Variants in DPH7 observed in about 807,000 individuals in gnomAD.
DPH7 encodes the protein diphthine methyltransferase.
Under a neutral mutation model 41.7 loss-of-function variants are expected in DPH7, and 44 were observed. The ratio of observed to expected loss-of-function variants is 1.05; its 90% CI spans 0.83 to 1.36. The LOEUF is 1.36. Among genes scored for constraint, DPH7 ranks in the 40% most tolerant of loss-of-function variants. DPH7 has a pLI of 0.00. For synonymous variants in DPH7, 275 were observed against 238.0 expected (o/e 1.16, Z -1.43); for missense variants, 629 against 577.5 (o/e 1.09, Z -0.91).
intron 3 of DPH7, chr9:137,575,652 T>C (rs1394796701): frequency 5.9e-6 from 6 of 1,013,870 alleles, no homozygotes; most frequent in East Asian, 1.8e-4. Flanking sequence ...AGTCACTTTG[T>C]TAATGCATGG....
Position 137,556,656 on chromosome 9 carries a change from C to A in DPH7, c.950-1008G>T. On this transcript the variant is annotated intron_variant, in intron 8 of 8. Coordinates refer to ENST00000277540, the MANE Select transcript of DPH7 (RefSeq NM_138778.5). This position sits in a 1 kb window ranked among gnomAD's most constrained non-coding sequence, Gnocchi z 5.2. ...ATGTTCAGAGACAGCCACAGGGGCC[C>A]TCGAGCAGCATGTGTGGGGCGACCC... 1 of 355,888 alleles carries A rather than the reference C, an allele frequency of 2.8e-6. No individual in the cohort carries two copies. The highest frequency in any genetic ancestry group is 5.6e-6 in the Non-Finnish European group (1 of 179,678). The allele number at this position is 355,888 out of a possible 1,614,324, so 22.0% of individuals were successfully genotyped here.
rs943536693 is a variant in DPH7 at position 137,574,953 on chromosome 9, G to A, written c.376-110C>T. On this transcript the variant is annotated intron_variant, in intron 3 of 8. Transcript: ENST00000277540. Reference sequence around the variant, plus strand: ...TCGTTCCCTCATTTACAACCTATGCGAATGAAGTACATCAGTCACTGAGTC... The same window carrying A: ...TCGTTCCCTCATTTACAACCTATGCAAATGAAGTACATCAGTCACTGAGTC... The A allele has an allele frequency of 3.5e-5, 54 of 1,536,404 alleles. No homozygotes were observed. The East Asian group carries it at 9.5e-4, about 27-fold the overall frequency.
intron 5 of DPH7, among the ~76,000 whole-genome samples, chr9:137,572,158 G>A (rs1840549390): frequency 6.6e-6 from 1 of 152,202 alleles, no homozygotes; most frequent in South Asian, 2.1e-4. Flanking sequence ...TGGAAGGACA[G>A]CTGCTCTGCG....
intron 5 of DPH7, among the ~76,000 whole-genome samples, chr9:137,569,265 C>T (rs1839959756): frequency 6.7e-6 from 1 of 150,182 alleles, no homozygotes; most frequent in Non-Finnish European, 1.5e-5. Context: ...TATCCACCCC[C>T]CGACCTCACC....
Position 137,578,893 on chromosome 9 carries a change from A to C in DPH7, c.-116T>G. 4 of 1,128,160 alleles carry C rather than the reference A, an allele frequency of 3.5e-6. No individual in the cohort carries two copies. The highest frequency in any genetic ancestry group is 4.5e-6 in the Non-Finnish European group (4 of 880,606). The allele number at this position is 1,128,160 out of a possible 1,614,324, so 69.9% of individuals were successfully genotyped here. A position where few individuals can be genotyped will look rare whatever the true frequency, so the allele number is the denominator to read the frequency against. On this transcript the variant is annotated 5_prime_UTR_variant, in exon 1 of 9. Transcript: ENST00000277540. ...GCCGGACGAGCGCAGAGCCCCAGGG[A>C]CACCGTCAGCGCGGGCCGCCTCTCT...
At chr9:137,573,277 C>T (rs1395618176) in intron 5 of DPH7, among the ~76,000 whole-genome samples, 6 of 144,642 alleles carry the variant, frequency 4.1e-5, no homozygotes, top group African/African-American at 1.0e-4. Context: ...AGGAGAATGG[C>T]GTGAACCTGG....
intron 8 of DPH7, among the ~76,000 whole-genome samples, chr9:137,558,660 G>A (rs1400161660): frequency 6.6e-6 from 1 of 152,240 alleles, no homozygotes; most frequent in East Asian, 1.9e-4. Context: ...AGAGGCTGGG[G>A]GAGGGATGTT....
chr9:137,560,855 CAAA>C (rs35798746), intron 8 of DPH7, among the ~76,000 whole-genome samples: 1 of 123,422 alleles, frequency 8.1e-6, no homozygotes. Flanking sequence ...GACTCTGTCT[CAAA>C]AAAAAAAAAA....
chr9:137,559,993 T>C (rs1207424015), intron 8 of DPH7, among the ~76,000 whole-genome samples: 2 of 152,192 alleles, frequency 1.3e-5, no homozygotes, highest in Non-Finnish European at 2.9e-5. Flanking sequence ...TGCACTAAAT[T>C]GCACACTTAA....
Position 137,556,248 on chromosome 9 carries a change from T to C in DPH7, c.950-600A>G, listed in dbSNP as rs1359076400. ...ACGGCAACTGGAAAGAGGCCACAAC[T>C]GCCTCCCAGAGCACACAGCAACAGA... On this transcript the variant is annotated intron_variant, in intron 8 of 8. Coordinates refer to ENST00000277540, the MANE Select transcript of DPH7 (RefSeq NM_138778.5). This position sits in a 1 kb window ranked among gnomAD's most constrained non-coding sequence, Gnocchi z 5.2. 2.0e-5 allele frequency among the ~76,000 whole-genome samples: 3 copies of C among 152,160 alleles called. No individual in the cohort carries two copies. The highest frequency in any genetic ancestry group is 4.4e-5 in the Non-Finnish European group (3 of 68,034).
At position 137,554,487 on chromosome 9, in the gene DPH7, G is replaced by C. The variant is rs773540089; in HGVS notation, c.*752C>G. Among the ~76,000 whole-genome samples, 1 of 152,144 alleles carries C rather than the reference G, an allele frequency of 6.6e-6. No homozygotes were observed. The highest frequency in any genetic ancestry group is 1.5e-5 in the Non-Finnish European group (1 of 68,032). Reference sequence around the variant, plus strand: ...TTTATTATTTAATTTTTAGAGATAAGAGTCTTGCTCTGTTGCCCCTGGCTC... The same window carrying C: ...TTTATTATTTAATTTTTAGAGATAACAGTCTTGCTCTGTTGCCCCTGGCTC... On this transcript the variant is annotated 3_prime_UTR_variant, in exon 9 of 9. Transcript: ENST00000277540.
chr9:137,578,728 T>C lies in DPH7; in HGVS notation c.50A>G (p.Asp17Gly). ...TTGCAGCGGGCACCACTCCACCGAG[T>C]CCGCGGTCAGCTCGGTGTCCACCGT... ...LQTVDTELTA[D>G]SVEWCPLQGC... Residue 17 changes from aspartate to glycine, a missense_variant, in exon 1 of 9, where the codon GAC becomes GGC. Physicochemically the swap from Asp to Gly is moderately conservative, Grantham distance 94. Coordinates refer to ENST00000277540, the MANE Select transcript of DPH7 (RefSeq NM_138778.5). 6.5e-7 allele frequency: 1 copy of C among 1,529,446 alleles called. No homozygotes were observed. The highest frequency in any genetic ancestry group is 1.4e-5 in the African/African-American group (1 of 70,006). The allele number at this position is 1,529,446 out of a possible 1,614,324, so 94.7% of individuals were successfully genotyped here.
chr9:137,570,910 G>T (rs1342561729), intron 5 of DPH7, among the ~76,000 whole-genome samples: 2 of 152,150 alleles, frequency 1.3e-5, no homozygotes, highest in South Asian at 4.1e-4. Context: ...GACAGGCCAT[G>T]CAGTCTCCTT....
Position 137,555,116 on chromosome 9 carries a change from G to T in DPH7, c.*123C>A. On this transcript the variant is annotated 3_prime_UTR_variant, in exon 9 of 9. Transcript: ENST00000277540. Reference sequence around the variant, plus strand: ...CAACAGCTTTTCTGACTACACTGTGGATTCCATCAGTGCACAGGCACCTGC... The same window carrying T: ...CAACAGCTTTTCTGACTACACTGTGTATTCCATCAGTGCACAGGCACCTGC... 8.0e-7 allele frequency: 1 copy of T among 1,243,808 alleles called. No individual in the cohort carries two copies. The highest frequency in any genetic ancestry group is 1.1e-6 in the Non-Finnish European group (1 of 921,944). The allele number at this position is 1,243,808 out of a possible 1,614,324, so 77.0% of individuals were successfully genotyped here.
Position 137,575,442 on chromosome 9 carries a change from C to A in DPH7, c.376-599G>T. ...ACTCCTCCCTTGGGCCCACAGCTTT[C>A]CTGTGGCTGCTCTTTCCCTCCTTTC... On this transcript the variant is annotated intron_variant, in intron 3 of 8. Coordinates refer to ENST00000277540, the MANE Select transcript of DPH7 (RefSeq NM_138778.5). The A allele has an allele frequency of 4.0e-6, 4 of 988,780 alleles. No homozygotes were observed. In the South Asian group the frequency reaches 1.9e-4, roughly 46 times the overall value. 61.3% of individuals were successfully genotyped at this position (988,780 alleles called of 1,614,324 possible).
chr9:137,573,372 A>AC (rs2133157706), intron 5 of DPH7, among the ~76,000 whole-genome samples: 1 of 138,882 alleles, frequency 7.2e-6, no homozygotes, highest in East Asian at 2.2e-4. Flanking sequence ...AAAAAAAAAA[A>AC]AAAAAAAAAA....
chr9:137,556,292 C>T lies in DPH7; in HGVS notation c.950-644G>A, dbSNP rs982465020. Among the ~76,000 whole-genome samples, 27 of 152,196 alleles carry T rather than the reference C, an allele frequency of 1.8e-4. No homozygotes were observed. The highest frequency in any genetic ancestry group is 6.5e-4 in the African/African-American group (27 of 41,458). On this transcript the variant is annotated intron_variant, in intron 8 of 8. Coordinates refer to ENST00000277540, the MANE Select transcript of DPH7 (RefSeq NM_138778.5). This position sits in a 1 kb window ranked among gnomAD's most constrained non-coding sequence, Gnocchi z 5.2. Reference sequence around the variant, plus strand: ...CAACAGAGGGAATGACGAGGCGTGGCCAAACCCGAGGCGATCTGGAGTCCA... The same window carrying T: ...CAACAGAGGGAATGACGAGGCGTGGTCAAACCCGAGGCGATCTGGAGTCCA...
In DPH7 at chr9:137,554,977, GAGA is replaced by G. The variant is rs2132730200; in HGVS notation, c.*259_*261del. On this transcript the variant is annotated 3_prime_UTR_variant, in exon 9 of 9. Transcript: ENST00000277540. ...AAAGGCTGAAAGTCAAAATCTGCCT[GAGA>G]AACTTAACAAATCTGCAAGCTGGAA... 2.5e-6 allele frequency: 1 copy of G among 398,784 alleles called. No individual in the cohort carries two copies. 24.7% of individuals were successfully genotyped at this position (398,784 alleles called of 1,614,324 possible). A position where few individuals can be genotyped will look rare whatever the true frequency, so the allele number is the denominator to read the frequency against.
At chr9:137,573,113 G>T (rs1441828277) in intron 5 of DPH7, among the ~76,000 whole-genome samples, 6 of 152,212 alleles carry the variant, frequency 3.9e-5, no homozygotes, top group Non-Finnish European at 8.8e-5. Context: ...TGTAATCCCA[G>T]CACTTTGGGA....
Sources: gnomAD v4.1 joint callset for allele counts (sites outside exome capture counted in the v4.1 genomes callset) on GRCh38, gnomAD v4.1.1 for gene constraint, Gnocchi (gnomAD v3.1) non-coding constraint, MANE v1.5 for transcripts, NCBI Gene and HGNC (gene_info 2026-07-23, HGNC 2026-07-21) for gene names.